Variants in XPR1 observed in about 807,000 individuals in gnomAD.
The protein encoded by XPR1 is solute carrier family 53 member 1.
Under a neutral mutation model 87.5 loss-of-function variants are expected in XPR1, and 28 were observed. The ratio of observed to expected loss-of-function variants is 0.32; its 90% confidence interval spans 0.24 to 0.44. XPR1 has a LOEUF of 0.44. Ranked by LOEUF, XPR1 falls within the 20% of genes least tolerant of loss-of-function variation. The probability of loss-of-function intolerance (pLI) is 1.00; values close to 1 mark genes in which losing one functional copy is unlikely to be tolerated. For missense variants in XPR1, 559 were observed against 862.3 expected (o/e 0.65, Z 4.41); for synonymous variants, 300 against 306.1 (o/e 0.98, Z 0.21).
intron 3 of XPR1, among the ~76,000 whole-genome samples, chr1:180,800,592 A>G (rs1485033420): frequency 3.3e-5 from 5 of 152,214 alleles, no homozygotes. Flanking sequence ...CTTCTAACCT[A>G]CAAAACGGTG....
At chr1:180,804,670 A>C (rs1486081767) in intron 4 of XPR1, among the ~76,000 whole-genome samples, 1 of 152,156 alleles carries the variant, frequency 6.6e-6, no homozygotes, top group African/African-American at 2.4e-5. Flanking sequence ...AGTAATCTTA[A>C]ATTGTTAATG....
intron 2 of XPR1, among the ~76,000 whole-genome samples, chr1:180,685,469 A>C (rs1031611234): frequency 3.3e-5 from 5 of 152,246 alleles, no homozygotes; most frequent in African/African-American, 4.8e-5. Context: ...TGTCTCTGCC[A>C]GGCTTTGGTA....
At position 180,887,758 on chromosome 1, in the gene XPR1, T is replaced by C. The variant is rs766024429; in HGVS notation, c.*3692T>C. 11 of 152,224 alleles carry C rather than the reference T, an allele frequency of 7.2e-5. No homozygotes were observed. Among genetic ancestry groups the C allele is most frequent in the African/African-American group, 1.9e-4 (8 of 41,454 alleles). The allele number at this position is 152,224 out of a possible 1,614,324, so 9.4% of individuals were successfully genotyped here. On this transcript the variant is annotated 3_prime_UTR_variant, in exon 15 of 15. Coordinates refer to ENST00000367590, the MANE Select transcript of XPR1 (RefSeq NM_004736.4). ...CCCTAGGATCCCTGACTTCCTGATA[T>C]TCTAAACATGAGAGTTCTGTGACTT... is the stretch of plus-strand genomic sequence containing the variant.
chr1:180,800,688 A>G (rs1434134305), intron 3 of XPR1, among the ~76,000 whole-genome samples: 1 of 152,214 alleles, frequency 6.6e-6, no homozygotes, highest in Non-Finnish European at 1.5e-5. Flanking sequence ...AAAGCCAATG[A>G]CGAGTAATCT....
At position 180,648,587 on chromosome 1, in the gene XPR1, A is replaced by G. The variant is rs183299571; in HGVS notation, c.69+16317A>G. On this transcript the variant is annotated intron_variant, in intron 1 of 14. Coordinates refer to ENST00000367590, the MANE Select transcript of XPR1 (RefSeq NM_004736.4). Reference sequence around the variant, plus strand: ...AGTAGCACAGTCTCAGCTCACTGCAACCTCCACCTCCTGGGTTCAAGCGAT... The same window carrying G: ...AGTAGCACAGTCTCAGCTCACTGCAGCCTCCACCTCCTGGGTTCAAGCGAT... 6.7e-4 allele frequency among the ~76,000 whole-genome samples: 102 copies of G among 152,108 alleles called. 1 individual carries two copies. The highest frequency in any genetic ancestry group is 1.2e-3 in the Non-Finnish European group (79 of 67,988).
At chr1:180,771,000 G>A (rs1160498238) in intron 2 of XPR1, among the ~76,000 whole-genome samples, 1 of 152,038 alleles carries the variant, frequency 6.6e-6, no homozygotes, top group Non-Finnish European at 1.5e-5. Context: ...TGCTCCCCTA[G>A]CATTCTGTGC....
At chr1:180,732,493 A>G (rs1053077671) in intron 2 of XPR1, among the ~76,000 whole-genome samples, 2 of 152,156 alleles carry the variant, frequency 1.3e-5, no homozygotes, top group African/African-American at 4.8e-5. Context: ...GTGTGAAACT[A>G]TTGATGTGTG....
At chr1:180,881,545 A>G (rs1652853862) in intron 14 of XPR1, among the ~76,000 whole-genome samples, 1 of 152,224 alleles carries the variant, frequency 6.6e-6, no homozygotes, top group Admixed American at 6.5e-5. Context: ...TGTGTAAGAT[A>G]TATTAGGCAA....
chr1:180,828,120 G>C (rs1040005280), intron 9 of XPR1, among the ~76,000 whole-genome samples: 2 of 151,768 alleles, frequency 1.3e-5, no homozygotes, highest in African/African-American at 4.8e-5. Context: ...CAAGTCATCT[G>C]CCTGCCTTGC....
intron 2 of XPR1, among the ~76,000 whole-genome samples, chr1:180,721,061 C>G (rs1351592712): frequency 6.6e-6 from 1 of 151,810 alleles, no homozygotes; most frequent in African/African-American, 2.4e-5. Context: ...ATGGTGAAAC[C>G]CCATCTCTAG....
At chr1:180,838,685 A>G (rs1341286449) in intron 11 of XPR1, among the ~76,000 whole-genome samples, 2 of 152,170 alleles carry the variant, frequency 1.3e-5, no homozygotes. Context: ...GTTTCAGTGT[A>G]TTTTAAATGT....
chr1:180,747,337 A>G (rs1479238918), intron 2 of XPR1, among the ~76,000 whole-genome samples: 1 of 152,162 alleles, frequency 6.6e-6, no homozygotes, highest in Admixed American at 6.5e-5. Context: ...AGGGCATGAG[A>G]AAAAAAGGAA....
chr1:180,670,920 G>A (rs958158487), intron 1 of XPR1, among the ~76,000 whole-genome samples: 1 of 152,100 alleles, frequency 6.6e-6, no homozygotes, highest in South Asian at 2.1e-4. Context: ...GACTATGTTG[G>A]CAATTTGACC....
At chr1:180,853,593 T>G (rs1651935913) in intron 11 of XPR1, among the ~76,000 whole-genome samples, 1 of 150,702 alleles carries the variant, frequency 6.6e-6, no homozygotes, top group Non-Finnish European at 1.5e-5. Context: ...AATTGAAAAC[T>G]GGACAGTTTG....
intron 2 of XPR1, among the ~76,000 whole-genome samples, chr1:180,730,406 G>A (rs1658511183): frequency 6.6e-6 from 1 of 152,164 alleles, no homozygotes; most frequent in African/African-American, 2.4e-5. Context: ...TTGTTTATCA[G>A]TATATTAGCA....
intron 1 of XPR1, among the ~76,000 whole-genome samples, chr1:180,649,201 G>A (rs1655213329): frequency 6.6e-6 from 1 of 152,052 alleles, no homozygotes; most frequent in South Asian, 2.1e-4. Flanking sequence ...TGAGGTGGGC[G>A]GATCACGAGG....
intron 2 of XPR1, among the ~76,000 whole-genome samples, chr1:180,779,939 T>A (rs1486817836): frequency 6.6e-6 from 1 of 152,190 alleles, no homozygotes; most frequent in African/African-American, 2.4e-5. Flanking sequence ...TGATCTTAAC[T>A]ATCTGGCTTC....
chr1:180,825,402 C>G, intron 9 of XPR1, 58 bp downstream of exon 9: 2 of 1,532,242 alleles, frequency 1.3e-6, no homozygotes, highest in South Asian at 1.3e-5. Context: ...TTGACTTCCT[C>G]TAAGATAAAA....
At chr1:180,656,775 A>G (rs1184461870) in intron 1 of XPR1, among the ~76,000 whole-genome samples, 2 of 146,086 alleles carry the variant, frequency 1.4e-5, no homozygotes, top group Non-Finnish European at 3.0e-5. Flanking sequence ...AATCTTGGCT[A>G]TTGTGAACAG....
Sources: gnomAD v4.1 joint callset for allele counts (sites outside exome capture counted in the v4.1 genomes callset) on GRCh38, gnomAD v4.1.1 for gene constraint, MANE v1.5 for transcripts, NCBI Gene and HGNC (gene_info 2026-07-23, HGNC 2026-07-21) for gene names.